Variants in STAT3 observed in about 807,000 individuals in gnomAD.
STAT3 encodes signal transducer and activator of transcription 3, also known as DNA-binding protein APRF.
A neutral mutation model predicts 114.3 loss-of-function variants in STAT3; 7 were observed. The observed-to-expected ratio is 0.06, with a 90% CI of 0.03 to 0.11. STAT3 has a LOEUF of 0.11. STAT3 is among the 10% of genes least tolerant of loss of function. The pLI is 1.00. For synonymous variants in STAT3, 331 were observed against 354.5 expected, an observed-to-expected ratio of 0.93 and a Z score of 0.74; for missense variants, 364 against 960.9, an observed-to-expected ratio of 0.38 and a Z score of 8.21.
In STAT3 at chr17:42,333,641, T is replaced by C; in HGVS notation, c.1049+32A>G. ...ACCCTAACAGTGTCCCTCAGTAAAA[T>C]CTCTACTGGAAATGGAAGTGGCATG... On this transcript the variant is annotated intron_variant, in intron 10 of 23. Transcript: ENST00000264657. This position sits in a 1 kb window ranked among gnomAD's most constrained non-coding sequence, Gnocchi z 5.2. The C allele has an allele frequency of 1.2e-6, 2 of 1,610,930 alleles. No homozygotes were observed. The highest frequency in any genetic ancestry group is 1.1e-5 in the South Asian group (1 of 90,978).
At chr17:42,362,220 CA>C (rs2083547463) in intron 1 of STAT3, among the ~76,000 whole-genome samples, 1 of 152,122 alleles carries the variant, frequency 6.6e-6, no homozygotes, top group Admixed American at 6.6e-5. Context: ...CACAGCAACT[CA>C]AAATAATACT....
At chr17:42,325,233 G>A in intron 15 of STAT3, 172 bp from the exon 16 acceptor site, 1 of 628,374 alleles carries the variant, frequency 1.6e-6, no homozygotes, top group Non-Finnish European at 2.8e-6. Context: ...CACTCATAGT[G>A]GAAAGAATGC....
intron 6 of STAT3, 121 bp downstream of exon 6, chr17:42,338,608 ACC>A: frequency 1.2e-6 from 1 of 868,796 alleles, no homozygotes; most frequent in Admixed American, 2.0e-5. Context: ...TCCTTTGAGG[ACC>A]CGTACCTCCC....
At chr17:42,334,439 CTTTTTTTTTTT>C (rs56055491) in intron 8 of STAT3, among the ~76,000 whole-genome samples, 46 of 70,230 alleles carry the variant, frequency 6.5e-4, no homozygotes, top group Non-Finnish European at 2.9e-4. Context: ...TGCGCCTGGC[CTTTTTTTTTTT>C]TTTTTTTTTT....
chr17:42,358,298 T>C (rs9913597), intron 1 of STAT3, among the ~76,000 whole-genome samples: 70,193 of 151,828 alleles, frequency 0.46, 18,837 homozygotes, highest in African/African-American at 0.75. Flanking sequence ...CCCATGCTTG[T>C]AGTCCCATGG....
In STAT3 at chr17:42,333,318, CCATCA is replaced by C. The variant is rs1567717827; in HGVS notation, c.1049+350_1049+354del. On this transcript the variant is annotated intron_variant, in intron 10 of 23. Transcript: ENST00000264657. This position sits in a 1 kb window ranked among gnomAD's most constrained non-coding sequence, Gnocchi z 5.2. ...CCTGCCCTGGGGCCTCTCAGCTTCCCCATCACTAAGCCTTACTCTTTCCCTTAAAA... is the reference window on the plus strand; with the variant it reads ...CCTGCCCTGGGGCCTCTCAGCTTCCCCTAAGCCTTACTCTTTCCCTTAAAA... 1.3e-5 allele frequency among the ~76,000 whole-genome samples: 2 copies of C among 152,014 alleles called. No individual in the cohort carries two copies. The highest frequency in any genetic ancestry group is 4.8e-5 in the African/African-American group (2 of 41,374).
chr17:42,337,755 G>A lies in STAT3; in HGVS notation c.645+8C>T, dbSNP rs760976357. 1 of 1,614,170 alleles carries A rather than the reference G, an allele frequency of 6.2e-7. No homozygotes were observed. The highest frequency in any genetic ancestry group is 1.7e-5 in the Admixed American group (1 of 60,030). ...ACATGGGGGAAGTGGTCCGACCTAT[G>A]CCCTTACTCTCCGCATCTGGTCCAG... On this transcript the variant is annotated splice_region_variant and intron_variant, in intron 7 of 23. Coordinates refer to ENST00000264657, the MANE Select transcript of STAT3 (RefSeq NM_139276.3). The surrounding 1 kb of genome is among the most constrained non-coding windows in gnomAD (Gnocchi z 4.0).
chr17:42,327,163 C>G (rs1037323033), intron 14 of STAT3, among the ~76,000 whole-genome samples: 1 of 152,204 alleles, frequency 6.6e-6, no homozygotes, highest in East Asian at 1.9e-4. Context: ...AAGTCCATCA[C>G]TCCTAAAATT....
intron 1 of STAT3, among the ~76,000 whole-genome samples, chr17:42,359,983 C>A (rs1257340115): frequency 1.4e-5 from 2 of 141,288 alleles, no homozygotes; most frequent in Non-Finnish European, 3.0e-5. Flanking sequence ...TGGTGTGAAC[C>A]TGGGAGGCAG....
intron 1 of STAT3, among the ~76,000 whole-genome samples, chr17:42,360,330 G>C (rs996095523): frequency 6.6e-6 from 1 of 150,900 alleles, no homozygotes; most frequent in Non-Finnish European, 1.5e-5. Flanking sequence ...ACCGTACCCA[G>C]CTACTACAGG....
chr17:42,330,480 G>T (rs2081962185), intron 11 of STAT3, among the ~76,000 whole-genome samples: 1 of 143,858 alleles, frequency 7.0e-6, no homozygotes, highest in African/African-American at 2.6e-5. Flanking sequence ...CCAGGCTGGA[G>T]TGCAGTGGTG....
chr17:42,331,363 A>G, intron 11 of STAT3, 109 bp downstream of exon 11: 2 of 1,062,408 alleles, frequency 1.9e-6, no homozygotes, highest in South Asian at 2.9e-5. Flanking sequence ...TTGTCCACAA[A>G]ATGAAGATCT....
intron 8 of STAT3, among the ~76,000 whole-genome samples, chr17:42,335,731 G>C (rs1301515172): frequency 6.6e-6 from 1 of 152,148 alleles, no homozygotes; most frequent in Non-Finnish European, 1.5e-5. Context: ...AGGCATGGTG[G>C]CATGGGCCTG....
chr17:42,342,782 A>G (rs903593884), intron 4 of STAT3, among the ~76,000 whole-genome samples: 2 of 152,106 alleles, frequency 1.3e-5, no homozygotes, highest in African/African-American at 4.8e-5. Context: ...CCAGGGCCCC[A>G]CTGTTAGGCA....
intron 1 of STAT3, among the ~76,000 whole-genome samples, chr17:42,359,353 C>G (rs1360999662): frequency 1.3e-5 from 2 of 152,118 alleles, no homozygotes; most frequent in Non-Finnish European, 2.9e-5. Flanking sequence ...AAGTAAAATA[C>G]ATGCATTTCA....
At chr17:42,359,763 G>A (rs544925692) in intron 1 of STAT3, among the ~76,000 whole-genome samples, 1 of 151,988 alleles carries the variant, frequency 6.6e-6, no homozygotes, top group African/African-American at 2.4e-5. Context: ...CTGAGGCACA[G>A]AATTTTAAGT....
chr17:42,386,791 T>C (rs1216061704), intron 1 of STAT3: 2 of 152,236 alleles, frequency 1.3e-5, no homozygotes, highest in African/African-American at 4.8e-5. Context: ...ATGGATGTGC[T>C]AATATAGAGA....
intron 1 of STAT3, among the ~76,000 whole-genome samples, chr17:42,386,645 C>T (rs1033803856): frequency 1.3e-5 from 2 of 152,276 alleles, no homozygotes; most frequent in Middle Eastern, 3.4e-3. Context: ...AATCCTCCCA[C>T]CTCAGCCTTC....
intron 10 of STAT3, among the ~76,000 whole-genome samples, chr17:42,331,933 CTCT>C (rs2082027641): frequency 1.3e-5 from 2 of 150,812 alleles, no homozygotes; most frequent in African/African-American, 4.9e-5. Context: ...ATCTCTCTTT[CTCT>C]TTTTTTTTTT....
Sources: allele counts gnomAD v4.1 joint callset (sites outside exome capture counted in the v4.1 genomes callset), GRCh38; gene constraint gnomAD v4.1.1; non-coding constraint Gnocchi (gnomAD v3.1); transcripts MANE v1.5; gene names NCBI Gene and HGNC (gene_info 2026-07-23, HGNC 2026-07-21).